Variants in TAX1BP1 observed in about 807,000 individuals in gnomAD.
TAX1BP1 encodes Tax1 binding protein 1.
Under a neutral mutation model 97.7 loss-of-function variants are expected in TAX1BP1, and 62 were observed. The observed-to-expected ratio is 0.63, with a 90% CI of 0.52 to 0.78. TAX1BP1 has a LOEUF of 0.78. Ranked by LOEUF, TAX1BP1 falls within the 30% of genes least tolerant of loss-of-function variation. The pLI is 0.00. For missense variants in TAX1BP1, 867 were observed against 916.1 expected (o/e 0.95, Z 0.69); for synonymous variants, 340 against 304.2 (o/e 1.12, Z -1.23).
In TAX1BP1 at chr7:27,795,902, G is replaced by A. The variant is rs373030445; in HGVS notation, c.1535-214G>A. On this transcript the variant is annotated intron_variant, in intron 11 of 16. Coordinates refer to ENST00000396319, the MANE Select transcript of TAX1BP1 (RefSeq NM_006024.7). ...AAAGAATAATCCTTTATTATTGAAT[G>A]CGAACTTGGTTCTGGCCAAACACAC... 1.4e-4 allele frequency among the ~76,000 whole-genome samples: 21 copies of A among 152,240 alleles called. No homozygotes were observed. The South Asian group carries it at 4.4e-3, about 32-fold the overall frequency.
intron 2 of TAX1BP1, among the ~76,000 whole-genome samples, chr7:27,753,355 C>T (rs577477378): frequency 4.6e-5 from 7 of 152,252 alleles, no homozygotes; most frequent in African/African-American, 1.4e-4. Flanking sequence ...ATTAAACCAA[C>T]GTTAATTGCA....
chr7:27,774,153 G>A (rs1184707469), intron 5 of TAX1BP1, among the ~76,000 whole-genome samples: 2 of 152,110 alleles, frequency 1.3e-5, no homozygotes, highest in African/African-American at 4.8e-5. Flanking sequence ...ATGGGAGTGA[G>A]AGAATGTGCA....
At chr7:27,743,693 A>AT (rs1471224350) in intron 1 of TAX1BP1, among the ~76,000 whole-genome samples, 5 of 151,794 alleles carry the variant, frequency 3.3e-5, no homozygotes, top group Admixed American at 2.6e-4. Flanking sequence ...TCTAACATTA[A>AT]TTTTTTCCCC....
intron 5 of TAX1BP1, among the ~76,000 whole-genome samples, chr7:27,776,011 C>G (rs187488398): frequency 3.4e-5 from 4 of 117,314 alleles, no homozygotes. Flanking sequence ...CTGTCTTTCT[C>G]TCTCTCCCCA....
intron 1 of TAX1BP1, among the ~76,000 whole-genome samples, chr7:27,747,702 G>A (rs1787876390): frequency 6.6e-6 from 1 of 152,130 alleles, no homozygotes; most frequent in African/African-American, 2.4e-5. Context: ...GTGGAAATGA[G>A]TGAGAGGTAG....
At position 27,758,121 on chromosome 7, in the gene TAX1BP1, C is replaced by G; in HGVS notation, c.253C>G (p.Leu85Val). The G allele has an allele frequency of 2.5e-6, 4 of 1,608,998 alleles. No homozygotes were observed. The South Asian group carries it at 4.4e-5, about 18-fold the overall frequency. The change falls in exon 3 of 17, where the codon CTA becomes GTA. Residue 85 changes from leucine (L) to valine (V), a missense_variant. Physicochemically the swap from Leu to Val is conservative, Grantham distance 32. Coordinates refer to ENST00000396319, the MANE Select transcript of TAX1BP1 (RefSeq NM_006024.7). ...GGAAGGATCAACAGTCAATTGTGTA[C>G]TAGCATTCCAAGGTAAGGACTGAAA... The part of the protein sequence containing the change: ...YVEGSTVNCV[L>V]AFQGYYLPND...
chr7:27,750,136 A>T (rs1787969568), intron 2 of TAX1BP1, among the ~76,000 whole-genome samples: 1 of 152,172 alleles, frequency 6.6e-6, no homozygotes, highest in Non-Finnish European at 1.5e-5. Context: ...ATCAAGTTAA[A>T]GATACTGATT....
intron 13 of TAX1BP1, among the ~76,000 whole-genome samples, chr7:27,801,859 G>A (rs1473193668): frequency 6.6e-6 from 1 of 152,184 alleles, no homozygotes; most frequent in African/African-American, 2.4e-5. Flanking sequence ...ACCAGACAAG[G>A]CAAAATGTGA....
chr7:27,771,036 G>A (rs1254431027), intron 5 of TAX1BP1, among the ~76,000 whole-genome samples: 2 of 137,004 alleles, frequency 1.5e-5, no homozygotes, highest in Non-Finnish European at 1.5e-5. Context: ...GGTATACCAA[G>A]TATTAAAATA....
chr7:27,774,297 A>G (rs1788947300), intron 5 of TAX1BP1, among the ~76,000 whole-genome samples: 1 of 152,110 alleles, frequency 6.6e-6, no homozygotes, highest in African/African-American at 2.4e-5. Context: ...TTGTCATCAG[A>G]TAGAGTTTTC....
At chr7:27,751,619 ATTGT>A (rs1407035806) in intron 2 of TAX1BP1, among the ~76,000 whole-genome samples, 1 of 152,028 alleles carries the variant, frequency 6.6e-6, no homozygotes, top group Non-Finnish European at 1.5e-5. Flanking sequence ...TGTTTATGGC[ATTGT>A]TTGTTTTTAA....
chr7:27,814,039 G>A (rs957242666), intron 13 of TAX1BP1, among the ~76,000 whole-genome samples: 3 of 150,460 alleles, frequency 2.0e-5, no homozygotes, highest in South Asian at 4.2e-4. Flanking sequence ...CTCATGATCC[G>A]CCCGCCTCGG....
intron 3 of TAX1BP1, among the ~76,000 whole-genome samples, chr7:27,763,071 CT>C (rs1374987473): frequency 6.6e-6 from 1 of 152,094 alleles, no homozygotes; most frequent in African/African-American, 2.4e-5. Flanking sequence ...GTGCCTAGAA[CT>C]TTTTTGTTAT....
Position 27,787,592 on chromosome 7 carries a change from A to T in TAX1BP1, c.1027A>T (p.Thr343Ser), listed in dbSNP as rs1394896981. The T allele has an allele frequency of 2.5e-6, 4 of 1,607,422 alleles. No homozygotes were observed. Among genetic ancestry groups the T allele is most frequent in the Non-Finnish European group, 3.4e-6 (4 of 1,177,602 alleles). Residue 343 changes from threonine (T) to serine (S), a missense_variant, in exon 8 of 17, where the codon ACC (threonine) becomes TCC (serine). Physicochemically the swap from Thr to Ser is moderately conservative, Grantham distance 58 (BLOSUM62 1). This residue lies in a region of TAX1BP1 where 822 missense variants were observed against 851.4 expected (regional missense o/e 0.97). Transcript: ENST00000396319. ...ENLQRTFLLTTSSKEDTCFLK... is the reference protein window; with the variant it reads ...ENLQRTFLLTSSSKEDTCFLK... ...TCTGCAAAGAACTTTCCTGCTTACA[A>T]CCTCAAGTAAAGTAAGTACTTTTGC...
Position 27,826,599 on chromosome 7 carries a change from A to G in TAX1BP1, c.2086-1139A>G, listed in dbSNP as rs141558096. Among the ~76,000 whole-genome samples the G allele has an allele frequency of 2.3e-4, 35 of 152,324 alleles. No homozygotes were observed. The East Asian group carries it at 5.4e-3, about 24-fold the overall frequency. ...GAGCAGCTAACGGCTGCTGAGAGAT[A>G]AAAAGGAAATAGGCAATTTAGATGA... On this transcript the variant is annotated intron_variant, in intron 15 of 16. Coordinates refer to ENST00000396319, the MANE Select transcript of TAX1BP1 (RefSeq NM_006024.7).
At chr7:27,776,345 T>C (rs1188831369) in intron 5 of TAX1BP1, among the ~76,000 whole-genome samples, 1 of 152,152 alleles carries the variant, frequency 6.6e-6, no homozygotes, top group Admixed American at 6.5e-5. Flanking sequence ...CTTCTGTTGA[T>C]GAATTTGTTC....
At position 27,816,495 on chromosome 7, in the gene TAX1BP1, T is replaced by C; in HGVS notation, c.1911T>C (p.Asn637=). 1.3e-6 allele frequency: 2 copies of C among 1,541,876 alleles called. No homozygotes were observed. Among genetic ancestry groups the C allele is most frequent in the Non-Finnish European group, 1.7e-6 (2 of 1,156,966 alleles). Residue 637 remains asparagine, a synonymous_variant, in exon 14 of 17, where the codon AAT becomes AAC. Transcript: ENST00000396319. ...CACAACCAGTTCTGCAATATGGTAA[T>C]CCTTATGCATCTCAGGAAACAAGAG... ...SNAQPVLQYG[N]PYASQETRDG...
chr7:27,760,348 AAC>A (rs1220150252), intron 3 of TAX1BP1, among the ~76,000 whole-genome samples: 2 of 152,030 alleles, frequency 1.3e-5, no homozygotes, highest in African/African-American at 2.4e-5. Context: ...GGAACCAAAA[AAC>A]AGTTTGAATT....
At position 27,828,884 on chromosome 7, in the gene TAX1BP1, AC is replaced by A; in HGVS notation, c.*56del. On this transcript the variant is annotated 3_prime_UTR_variant, in exon 17 of 17. Transcript: ENST00000396319. Reference sequence around the variant, plus strand: ...AGCAGTAAAAAAAAAAAAAAAAACCACACCTAAAATAGACCACTGAGGAGAC... The same window carrying A: ...AGCAGTAAAAAAAAAAAAAAAAACCAACCTAAAATAGACCACTGAGGAGAC... 32 of 1,194,152 alleles carry A rather than the reference AC, an allele frequency of 2.7e-5. No individual in the cohort carries two copies. Among genetic ancestry groups the A allele is most frequent in the African/African-American group, 3.1e-5 (2 of 64,310 alleles). 74.0% of individuals were successfully genotyped at this position (1,194,152 alleles called of 1,614,324 possible). A position where few individuals can be genotyped will look rare whatever the true frequency, so the allele number is the denominator to read the frequency against.
Sources: allele counts gnomAD v4.1 joint callset (sites outside exome capture counted in the v4.1 genomes callset), GRCh38; gene constraint gnomAD v4.1.1; regional missense constraint gnomAD v4.1.1; transcripts MANE v1.5; gene names NCBI Gene and HGNC (gene_info 2026-07-23, HGNC 2026-07-21).